The following SPOP variants were observed in gnomAD, a reference collection of about 807,000 sequenced individuals.
SPOP encodes speckle type BTB/POZ protein.
SPOP carries 11 observed loss-of-function variants against 45.6 expected under a neutral mutation model. That is an observed-to-expected ratio of 0.24 (90% CI 0.15 to 0.40). SPOP has a LOEUF of 0.40. SPOP is among the 10% of genes least tolerant of loss of function. SPOP has a pLI of 1.00. For synonymous variants in SPOP, 166 were observed against 166.3 expected (o/e 1.00, Z 0.01); for missense variants, 152 against 465.6 (o/e 0.33, Z 6.20).
chr17:49,666,621 A>T (rs531257166), intron 1 of SPOP, among the ~76,000 whole-genome samples: 1 of 152,290 alleles, frequency 6.6e-6, no homozygotes, highest in East Asian at 1.9e-4. Context: ...TGAGGTCAGG[A>T]GTTTGAGTCC....
chr17:49,667,585 T>C (rs2073079677), intron 1 of SPOP, among the ~76,000 whole-genome samples: 3 of 152,038 alleles, frequency 2.0e-5, no homozygotes, highest in Admixed American at 2.0e-4. Flanking sequence ...TAAGACTCCA[T>C]CTCAACAGGA....
intron 1 of SPOP, among the ~76,000 whole-genome samples, chr17:49,625,166 A>T (rs1487887021): frequency 1.3e-5 from 2 of 152,258 alleles, no homozygotes; most frequent in Non-Finnish European, 2.9e-5. Context: ...GAAACGCTAA[A>T]CGTGGGCACA....
Position 49,599,798 on chromosome 17 carries a change from A to G in SPOP, c.*580T>C, listed in dbSNP as rs942169671. On this transcript the variant is annotated 3_prime_UTR_variant, in exon 10 of 10. Transcript: ENST00000504102. The stretch of plus-strand genomic sequence containing the variant: ...AGGATGTATTCTGTTCTTGCAAACA[A>G]TAAGTGCTAACAACAAGAGAGCTCT... 6 of 207,914 alleles carry G rather than the reference A, an allele frequency of 2.9e-5. No homozygotes were observed. The highest frequency in any genetic ancestry group is 5.9e-5 in the Admixed American group (1 of 16,928). The allele number at this position is 207,914 out of a possible 1,614,324, so 12.9% of individuals were successfully genotyped here. A position where few individuals can be genotyped will look rare whatever the true frequency, so the allele number is the denominator to read the frequency against.
intron 5 of SPOP, among the ~76,000 whole-genome samples, chr17:49,618,751 GGT>G (rs1183567689): frequency 1.3e-5 from 2 of 152,108 alleles, no homozygotes; most frequent in African/African-American, 4.8e-5. Flanking sequence ...CACATACCAA[GGT>G]AGCATACATA....
chr17:49,665,523 G>A (rs2073042838), intron 1 of SPOP, among the ~76,000 whole-genome samples: 5 of 151,884 alleles, frequency 3.3e-5, no homozygotes, highest in Admixed American at 2.0e-4. Flanking sequence ...GCTGAGGCAG[G>A]AGAATGGCGT....
At chr17:49,664,393 G>A (rs1050455615) in intron 1 of SPOP, among the ~76,000 whole-genome samples, 3 of 152,048 alleles carry the variant, frequency 2.0e-5, no homozygotes, top group African/African-American at 2.4e-5. Flanking sequence ...TGTAAAAAAT[G>A]CAACTCTTCT....
At chr17:49,624,842 TAA>T (rs79231250) in intron 1 of SPOP, among the ~76,000 whole-genome samples, 31 of 71,736 alleles carry the variant, frequency 4.3e-4, no homozygotes, top group Non-Finnish European at 5.8e-4. Flanking sequence ...AAAGACAAAC[TAA>T]AAAAAAAAAA....
At chr17:49,622,177 G>A (rs2072233273) in intron 2 of SPOP, 110 bp from the exon 3 acceptor site, 18 of 1,390,262 alleles carry the variant, frequency 1.3e-5, no homozygotes, top group Non-Finnish European at 1.8e-5. Context: ...ATCCTGATAG[G>A]AAGATAGCAG....
intron 1 of SPOP, among the ~76,000 whole-genome samples, chr17:49,638,597 T>C (rs1903881927): frequency 6.8e-6 from 1 of 147,034 alleles, no homozygotes; most frequent in African/African-American, 2.5e-5. Context: ...AAAAAAAAAA[T>C]AGAATCTCTT....
At chr17:49,601,442 CA>C (rs1299472871) in intron 9 of SPOP, 1 of 154,306 alleles carries the variant, frequency 6.5e-6, no homozygotes, top group African/African-American at 2.4e-5. Flanking sequence ...ATTTCTTTCT[CA>C]AAACAGTGAA....
intron 1 of SPOP, among the ~76,000 whole-genome samples, chr17:49,646,908 T>C (rs1365629143): frequency 6.6e-6 from 1 of 152,152 alleles, no homozygotes; most frequent in Non-Finnish European, 1.5e-5. Context: ...ATTCAACATG[T>C]AGAAATGGAA....
chr17:49,671,278 C>T (rs993853717), intron 1 of SPOP, among the ~76,000 whole-genome samples: 6 of 151,206 alleles, frequency 4.0e-5, no homozygotes, highest in Non-Finnish European at 5.9e-5. Flanking sequence ...ATATGGTAGA[C>T]AAATAACCTG....
chr17:49,676,209 A>G (rs1243613199), intron 1 of SPOP, among the ~76,000 whole-genome samples: 1 of 151,464 alleles, frequency 6.6e-6, no homozygotes, highest in Non-Finnish European at 1.5e-5. Context: ...CGAGAAATCA[A>G]TAAAGTACTA....
At chr17:49,678,104 T>C (rs1450726394), upstream of SPOP, 5 of 396,542 alleles carry the variant, frequency 1.3e-5, no homozygotes, top group Admixed American at 1.3e-4. Flanking sequence ...CGTCATGGCG[T>C]CAGCACGTCG....
intron 1 of SPOP, chr17:49,676,157 C>T (rs2073196401): frequency 6.6e-6 from 1 of 152,118 alleles, no homozygotes; most frequent in African/African-American, 2.4e-5. Flanking sequence ...AAACAGTAAA[C>T]ATCTCCAAAT....
chr17:49,640,247 C>T (rs1442862791), intron 1 of SPOP, among the ~76,000 whole-genome samples: 11 of 148,826 alleles, frequency 7.4e-5, no homozygotes, highest in Admixed American at 6.0e-4. Context: ...AGTGAGACCC[C>T]GTCTCAAAAA....
In SPOP at chr17:49,619,500, T is replaced by A; in HGVS notation, c.201-115A>T. ...AACAAATGCAGGCCCCATAGAAGAA[T>A]ATAATTCAGTAGAATGACTAGTTGG... On this transcript the variant is annotated intron_variant, in intron 3 of 9. Transcript: ENST00000504102. The surrounding 1 kb of genome is among the most constrained non-coding windows in gnomAD (Gnocchi z 4.9). 3.7e-6 allele frequency: 4 copies of A among 1,080,612 alleles called. No individual in the cohort carries two copies. Among genetic ancestry groups the A allele is most frequent in the Non-Finnish European group, 5.2e-6 (4 of 769,668 alleles). 66.9% of individuals were successfully genotyped at this position (1,080,612 alleles called of 1,614,324 possible). A position where few individuals can be genotyped will look rare whatever the true frequency, so the allele number is the denominator to read the frequency against.
intron 1 of SPOP, among the ~76,000 whole-genome samples, chr17:49,642,735 A>G (rs1597959388): frequency 6.6e-6 from 1 of 152,362 alleles, no homozygotes; most frequent in East Asian, 1.9e-4. Flanking sequence ...AGATAGGAAC[A>G]TTTCTCTGTA....
intron 8 of SPOP, 124 bp from the exon 9 acceptor site, chr17:49,602,131 T>G: frequency 9.2e-7 from 1 of 1,088,114 alleles, no homozygotes; most frequent in East Asian, 2.6e-5. Flanking sequence ...GCACAGACCA[T>G]GAAAAGCTAC....
Sources: allele counts gnomAD v4.1 joint callset (sites outside exome capture counted in the v4.1 genomes callset), GRCh38; gene constraint gnomAD v4.1.1; non-coding constraint Gnocchi (gnomAD v3.1); transcripts MANE v1.5; gene names NCBI Gene and HGNC (gene_info 2026-07-23, HGNC 2026-07-21).